The following ATXN8OS variants were observed in gnomAD, a reference collection of about 807,000 sequenced individuals.
The protein encoded by ATXN8OS is ATXN8 opposite strand lncRNA.
chr13:70,167,730 T>TC (rs1889094445), intron 4 of ATXN8OS, among the ~76,000 whole-genome samples: 1 of 67,534 alleles, frequency 1.5e-5, no homozygotes, highest in East Asian at 3.7e-4. Flanking sequence ...CTTCTTTTTT[T>TC]TTTTTTTTTT....
At chr13:70,110,855 T>C (rs75419118) in intron 1 of ATXN8OS, among the ~76,000 whole-genome samples, 4,833 of 152,216 alleles carry the variant, frequency 0.032, 206 homozygotes, top group African/African-American at 0.095. Context: ...TAAGTAATAA[T>C]TGACTTGTGA....
At chr13:70,110,949 C>T (rs1209922387) in intron 1 of ATXN8OS, among the ~76,000 whole-genome samples, 1 of 152,118 alleles carries the variant, frequency 6.6e-6, no homozygotes, top group South Asian at 2.1e-4. Context: ...ACAATCCCAA[C>T]AAACACACTT....
chr13:70,154,310 A>G (rs1360852305), intron 4 of ATXN8OS, among the ~76,000 whole-genome samples: 3 of 152,166 alleles, frequency 2.0e-5, no homozygotes, highest in Non-Finnish European at 2.9e-5. Flanking sequence ...TCGTTTTAAA[A>G]TTCAGGTTAA....
chr13:70,135,093 G>T (rs930525679), intron 3 of ATXN8OS, among the ~76,000 whole-genome samples: 1 of 152,280 alleles, frequency 6.6e-6, no homozygotes, highest in South Asian at 2.1e-4. Context: ...CTGAACAGAG[G>T]CTGCAAGTCC....
exon 1 of ATXN8OS, chr13:70,108,003 C>T (rs146929590): frequency 2.1e-4 from 92 of 445,444 alleles, no homozygotes; most frequent in African/African-American, 1.4e-3. Context: ...CGCGCGAGAG[C>T]CCCGTGTTAT....
exon 5 of ATXN8OS, among the ~76,000 whole-genome samples, chr13:70,170,627 A>ATTC (rs2137510385): frequency 6.6e-6 from 1 of 152,294 alleles, no homozygotes; most frequent in Admixed American, 6.5e-5. Flanking sequence ...AATTCCAGAA[A>ATTC]GCTGCAGGTT....
At chr13:70,125,711 C>T (rs1593760974) in intron 2 of ATXN8OS, among the ~76,000 whole-genome samples, 1 of 152,076 alleles carries the variant, frequency 6.6e-6, no homozygotes, top group East Asian at 1.9e-4. Flanking sequence ...GCCTCCTCAT[C>T]TTTGTTCTGA....
At chr13:70,143,984 A>ATCAT (rs1888749242) in intron 3 of ATXN8OS, among the ~76,000 whole-genome samples, 1 of 152,162 alleles carries the variant, frequency 6.6e-6, no homozygotes, top group African/African-American at 2.4e-5. Flanking sequence ...AAAAGATTAG[A>ATCAT]TCATTTGATT....
chr13:70,142,638 C>T (rs1888732994), intron 3 of ATXN8OS, among the ~76,000 whole-genome samples: 1 of 152,164 alleles, frequency 6.6e-6, no homozygotes, highest in East Asian at 1.9e-4. Flanking sequence ...AGACAGTGTT[C>T]TTGACTAACT....
At chr13:70,165,250 GAA>G (rs1889064625) in intron 4 of ATXN8OS, among the ~76,000 whole-genome samples, 1 of 151,594 alleles carries the variant, frequency 6.6e-6, no homozygotes, top group Admixed American at 6.6e-5. Flanking sequence ...AACAAAAAAA[GAA>G]AGAGAACTCC....
chr13:70,143,742 T>C (rs2137494227), intron 3 of ATXN8OS, among the ~76,000 whole-genome samples: 1 of 152,284 alleles, frequency 6.6e-6, no homozygotes, highest in South Asian at 2.1e-4. Context: ...CTATGAAGAT[T>C]TTTATGGCAG....
chr13:70,126,422 C>T (rs906837717), intron 2 of ATXN8OS, among the ~76,000 whole-genome samples: 1 of 152,048 alleles, frequency 6.6e-6, no homozygotes, highest in African/African-American at 2.4e-5. Flanking sequence ...CTGATAGATT[C>T]AATACATGGC....
Position 70,139,377 on chromosome 13 carries a change from A to ACTACTACTG in ATXN8OS, n.500-7975_500-7967dup. 9.3e-6 allele frequency: 6 copies of ACTACTACTG among 645,382 alleles called. 1 individual carries two copies. Among genetic ancestry groups the ACTACTACTG allele is most frequent in the South Asian group, 5.9e-5 (3 of 51,072 alleles). 40.0% of individuals were successfully genotyped at this position (645,382 alleles called of 1,614,324 possible). On this transcript the variant is annotated intron_variant and non_coding_transcript_variant, in intron 3 of 4. Coordinates refer to ENST00000678624, the Ensembl canonical transcript of ATXN8OS. The stretch of plus-strand genomic sequence containing the variant: ...TACTACTACTACTACTACTACTACT[A>ACTACTACTG]CTACTACTGCTGCTGCTGCTGCTGC...
intron 3 of ATXN8OS, chr13:70,129,903 T>C: frequency 2.5e-6 from 1 of 398,400 alleles, no homozygotes; most frequent in South Asian, 1.3e-4. Flanking sequence ...ATCAAAAGGT[T>C]GTACTGGTGA....
chr13:70,164,769 C>CT (rs1186114683), intron 4 of ATXN8OS, among the ~76,000 whole-genome samples: 1 of 151,920 alleles, frequency 6.6e-6, no homozygotes, highest in African/African-American at 2.4e-5. Flanking sequence ...GCCTGGAGCC[C>CT]TTTATCCATC....
chr13:70,168,184 G>A lies in ATXN8OS; in HGVS notation n.574-1569G>A, dbSNP rs114630224. Among the ~76,000 whole-genome samples, 335 of 152,142 alleles carry A rather than the reference G, an allele frequency of 2.2e-3. 1 individual carries two copies. The highest frequency in any genetic ancestry group is 7.3e-3 in the African/African-American group (301 of 41,516). ...AGGCTTGAGAACAAGAAAAAGGAAA[G>A]CAGTCAGCAGTTACCTTCTTTAAAA... On this transcript the variant is annotated intron_variant and non_coding_transcript_variant, in intron 4 of 4. Transcript: ENST00000678624.
chr13:70,161,670 T>A (rs1002014362), intron 4 of ATXN8OS, among the ~76,000 whole-genome samples: 2 of 152,094 alleles, frequency 1.3e-5, no homozygotes, highest in East Asian at 3.9e-4. Context: ...GCATGAGAAC[T>A]TAAGCTCCAT....
chr13:70,120,388 G>A (rs1888341277), intron 2 of ATXN8OS, among the ~76,000 whole-genome samples: 2 of 152,202 alleles, frequency 1.3e-5, no homozygotes, highest in African/African-American at 4.8e-5. Context: ...GTAACATTTG[G>A]TTAGAACAAG....
intron 4 of ATXN8OS, among the ~76,000 whole-genome samples, chr13:70,156,007 A>G (rs1888930699): frequency 6.6e-6 from 1 of 152,114 alleles, no homozygotes; most frequent in Admixed American, 6.6e-5. Context: ...CTGTCAATGC[A>G]ATGTATAGGT....
Sources: gnomAD v4.1 joint callset for allele counts (sites outside exome capture counted in the v4.1 genomes callset) on GRCh38, gnomAD v4.1.1 for gene constraint, MANE v1.5 for transcripts, NCBI Gene and HGNC (gene_info 2026-07-23, HGNC 2026-07-21) for gene names.